The following CSMD1 variants were observed in gnomAD, a reference collection of about 807,000 sequenced individuals.
CSMD1 encodes CUB and Sushi multiple domains 1.
A neutral mutation model predicts 417.5 loss-of-function variants in CSMD1; 213 were observed. The ratio of observed to expected loss-of-function variants is 0.51; its 90% CI spans 0.46 to 0.57. The LOEUF (loss-of-function observed/expected upper bound fraction) is 0.57, where lower values mean the gene tolerates loss of function less well. Ranked by LOEUF, CSMD1 falls within the 20% of genes least tolerant of loss-of-function variation. The pLI is 0.00. For synonymous variants in CSMD1, 2,862 were observed against 1,736.8 expected, an observed-to-expected ratio of 1.65 and a Z score of -16.11; for missense variants, 6,923 against 4,529.7, an observed-to-expected ratio of 1.53 and a Z score of -15.17.
At chr8:3,598,521 T>C (rs1801201555) in intron 8 of CSMD1, among the ~76,000 whole-genome samples, 1 of 152,166 alleles carries the variant, frequency 6.6e-6, no homozygotes, top group African/African-American at 2.4e-5. Flanking sequence ...CTCCAAGCCC[T>C]GGCTGTGACG....
intron 5 of CSMD1, among the ~76,000 whole-genome samples, chr8:3,987,666 CCAGA>C (rs1814434675): frequency 6.6e-6 from 1 of 152,068 alleles, no homozygotes; most frequent in South Asian, 2.1e-4. Context: ...GAGACAGTTC[CCAGA>C]CAGAGAAAAT....
intron 4 of CSMD1, among the ~76,000 whole-genome samples, chr8:4,022,184 G>GTGTA (rs1554518711): frequency 5.9e-5 from 7 of 118,060 alleles, no homozygotes; most frequent in African/African-American, 1.9e-4. Flanking sequence ...ATATTTATGT[G>GTGTA]TATATATATA....
chr8:3,712,985 T>G (rs1445288880), intron 6 of CSMD1, among the ~76,000 whole-genome samples: 1 of 152,120 alleles, frequency 6.6e-6, no homozygotes, highest in Non-Finnish European at 1.5e-5. Flanking sequence ...GTGCTGAGAG[T>G]TGACTTTAGG....
At chr8:4,928,610 C>T (rs1347536223) in intron 1 of CSMD1, among the ~76,000 whole-genome samples, 1 of 152,136 alleles carries the variant, frequency 6.6e-6, no homozygotes, top group African/African-American at 2.4e-5. Flanking sequence ...CACAAACGCG[C>T]TGAGAAGTAA....
At chr8:4,252,937 A>T (rs1803183187) in intron 3 of CSMD1, among the ~76,000 whole-genome samples, 1 of 152,180 alleles carries the variant, frequency 6.6e-6, no homozygotes, top group South Asian at 2.1e-4. Context: ...GCAGCAGAAC[A>T]CACCAACTTT....
rs1320873046 is a variant in CSMD1, at chr8:3,402,224, G to T, written c.2267-2695C>A. ...AGAGAACTCACTCACACCCCTGTAG[G>T]GTACTTGTGTCTTTTTCAATGTTCA... On this transcript the variant is annotated intron_variant, in intron 15 of 69. Coordinates refer to ENST00000635120, the MANE Select transcript of CSMD1 (RefSeq NM_033225.6). 2.0e-5 allele frequency among the ~76,000 whole-genome samples: 3 copies of T among 151,674 alleles called. No individual in the cohort carries two copies. In the East Asian group the frequency reaches 5.8e-4, roughly 29 times the overall value.
intron 69 of CSMD1, among the ~76,000 whole-genome samples, chr8:2,942,141 A>T (rs1324545968): frequency 6.6e-6 from 1 of 152,046 alleles, no homozygotes; most frequent in Non-Finnish European, 1.5e-5. Context: ...ACACATGGAC[A>T]CATTGAGGGG....
At chr8:4,299,874 C>A (rs929412910) in intron 3 of CSMD1, among the ~76,000 whole-genome samples, 1 of 152,066 alleles carries the variant, frequency 6.6e-6, no homozygotes, top group African/African-American at 2.4e-5. Context: ...CATGATCTGC[C>A]CACCTCAGCC....
At chr8:4,800,645 AG>A (rs1384260552) in intron 1 of CSMD1, among the ~76,000 whole-genome samples, 1 of 152,178 alleles carries the variant, frequency 6.6e-6, no homozygotes, top group Non-Finnish European at 1.5e-5. Flanking sequence ...GCAATCCCCC[AG>A]GGGGCTGTGG....
intron 1 of CSMD1, among the ~76,000 whole-genome samples, chr8:4,971,393 G>C (rs192816857): frequency 2.6e-5 from 4 of 152,056 alleles, no homozygotes; most frequent in Admixed American, 6.6e-5. Flanking sequence ...GAAATGTTTA[G>C]AAGAAACTCT....
chr8:3,395,631 A>G (rs1221281160), intron 17 of CSMD1, among the ~76,000 whole-genome samples: 1 of 152,200 alleles, frequency 6.6e-6, no homozygotes. Flanking sequence ...ATGTTTAATA[A>G]TTGTTTTAAA....
chr8:4,031,936 T>C lies in CSMD1; in HGVS notation c.579A>G (p.Ala193=), dbSNP rs371163239. ...AAAAGGGAGCTGGGAAGTCCCACGA[T>C]GCACCATTTCCTGGGCTGACGATGC... The part of the protein sequence containing the change: ...LTCIVSPGNG[A]SWDFPAPFCR... Residue 193 remains alanine, a synonymous_variant, in exon 4 of 70, where the codon GCA becomes GCG. Coordinates refer to ENST00000635120, the MANE Select transcript of CSMD1 (RefSeq NM_033225.6). 47 of 1,613,774 alleles carry C rather than the reference T, an allele frequency of 2.9e-5. No homozygotes were observed. The highest frequency in any genetic ancestry group is 3.7e-5 in the Non-Finnish European group (44 of 1,179,866).
intron 2 of CSMD1, among the ~76,000 whole-genome samples, chr8:4,600,316 G>T (rs1292318675): frequency 6.6e-6 from 1 of 152,114 alleles, no homozygotes; most frequent in African/African-American, 2.4e-5. Flanking sequence ...ATATAGAGAT[G>T]GGTAGAAATG....
intron 8 of CSMD1, among the ~76,000 whole-genome samples, chr8:3,601,911 A>G (rs1477138592): frequency 2.0e-5 from 3 of 151,978 alleles, no homozygotes; most frequent in African/African-American, 7.2e-5. Context: ...AGAGAGAGAG[A>G]GGGTTATAGC....
intron 3 of CSMD1, among the ~76,000 whole-genome samples, chr8:4,145,319 T>C (rs1585414315): frequency 6.6e-6 from 1 of 151,220 alleles, no homozygotes. Context: ...TACTCACCAT[T>C]TTTTGAGGAA....
intron 38 of CSMD1, among the ~76,000 whole-genome samples, chr8:3,158,416 CTG>C (rs1250006033): frequency 3.3e-5 from 5 of 152,104 alleles, no homozygotes; most frequent in Admixed American, 6.5e-5. Context: ...CGGTGGTTGT[CTG>C]TGCTTCCGCG....
At chr8:4,084,212 G>A (rs1221678945) in intron 3 of CSMD1, among the ~76,000 whole-genome samples, 2 of 151,534 alleles carry the variant, frequency 1.3e-5, no homozygotes, top group East Asian at 3.9e-4. Flanking sequence ...TTTTCAGTTA[G>A]TTTTACTCTG....
intron 3 of CSMD1, among the ~76,000 whole-genome samples, chr8:4,122,579 G>A (rs766084208): frequency 3.9e-5 from 6 of 152,104 alleles, no homozygotes; most frequent in African/African-American, 1.2e-4. Context: ...GGAGGACATC[G>A]CATGCCCTAC....
At chr8:4,295,835 C>G (rs894374621) in intron 3 of CSMD1, among the ~76,000 whole-genome samples, 27 of 143,042 alleles carry the variant, frequency 1.9e-4, no homozygotes, top group African/African-American at 6.1e-4. Context: ...CTCCCTTATG[C>G]AAATTTCAGA....
Sources: gnomAD v4.1 joint callset for allele counts (sites outside exome capture counted in the v4.1 genomes callset) on GRCh38, gnomAD v4.1.1 for gene constraint, MANE v1.5 for transcripts, NCBI Gene and HGNC (gene_info 2026-07-23, HGNC 2026-07-21) for gene names.